The following TNKS variants were observed in gnomAD, a reference collection of about 807,000 sequenced individuals.
TNKS encodes the protein tankyrase.
A neutral mutation model predicts 135.8 loss-of-function variants in TNKS; 72 were observed. The observed-to-expected ratio is 0.53, with a 90% CI of 0.44 to 0.64. The LOEUF is 0.64. Among genes scored for constraint, TNKS ranks in the 30% least tolerant of loss-of-function variants. TNKS has a pLI of 0.00. For synonymous variants in TNKS, 849 were observed against 649.3 expected, an observed-to-expected ratio of 1.31 and a Z score of -4.68; for missense variants, 1,769 against 1,674.0, an observed-to-expected ratio of 1.06 and a Z score of -0.99.
chr8:9,718,268 C>A (rs576903574), intron 11 of TNKS, among the ~76,000 whole-genome samples: 9 of 152,270 alleles, frequency 5.9e-5, no homozygotes, highest in African/African-American at 2.2e-4. Flanking sequence ...TCTCGGCTTA[C>A]TTGAAATCAG....
chr8:9,663,757 C>T (rs1051964339), intron 3 of TNKS, among the ~76,000 whole-genome samples: 1 of 152,148 alleles, frequency 6.6e-6, no homozygotes. Context: ...AAAGGAATTA[C>T]AAAGGCTGCA....
intron 3 of TNKS, among the ~76,000 whole-genome samples, chr8:9,635,091 A>G (rs1800458274): frequency 6.6e-6 from 1 of 151,754 alleles, no homozygotes; most frequent in South Asian, 2.1e-4. Context: ...ACTGGCGTAA[A>G]CCCGGGAGGC....
intron 3 of TNKS, among the ~76,000 whole-genome samples, chr8:9,647,076 A>G (rs1450145030): frequency 6.6e-6 from 1 of 152,202 alleles, no homozygotes; most frequent in Non-Finnish European, 1.5e-5. Context: ...AGAAAAGAGC[A>G]CTTGCTATCT....
intron 2 of TNKS, among the ~76,000 whole-genome samples, chr8:9,586,788 A>G (rs1317296522): frequency 6.7e-6 from 1 of 149,622 alleles, no homozygotes; most frequent in Non-Finnish European, 1.5e-5. Flanking sequence ...AAATAATCCA[A>G]TTGACTTGTT....
At chr8:9,707,118 T>TTC in intron 8 of TNKS, 121 bp downstream of exon 8, 1 of 828,530 alleles carries the variant, frequency 1.2e-6, no homozygotes, top group Non-Finnish European at 1.8e-6. Context: ...ATAATCCTCA[T>TTC]TTCTAATTGT....
intron 19 of TNKS, among the ~76,000 whole-genome samples, 154 bp from the exon 20 acceptor site, chr8:9,752,390 G>A (rs917764205): frequency 1.3e-5 from 2 of 152,042 alleles, no homozygotes; most frequent in African/African-American, 4.8e-5. Flanking sequence ...CAGAAATAAA[G>A]TGTCTAAATT....
rs571509330 is a variant in TNKS, at chr8:9,579,430, G to A, written c.674-729G>A. On this transcript the variant is annotated intron_variant, in intron 1 of 26. Transcript: ENST00000310430. ...AATACAATGCTGTGTGTTGTGATTT[G>A]TCTTAGATTCGGTTATCAGCAGTAT... is the stretch of plus-strand genomic sequence containing the variant. Among the ~76,000 whole-genome samples the A allele has an allele frequency of 3.9e-5, 6 of 152,072 alleles. No individual in the cohort carries two copies. In the South Asian group the frequency reaches 1.3e-3, roughly 32 times the overall value.
At chr8:9,719,218 C>T (rs1490783843) in intron 11 of TNKS, among the ~76,000 whole-genome samples, 6 of 152,140 alleles carry the variant, frequency 3.9e-5, no homozygotes, top group Non-Finnish European at 7.4e-5. Flanking sequence ...GAACCCTTTC[C>T]TGAGTAAGTA....
At chr8:9,600,097 C>G (rs183580368) in intron 2 of TNKS, among the ~76,000 whole-genome samples, 2 of 152,156 alleles carry the variant, frequency 1.3e-5, no homozygotes, top group Admixed American at 6.5e-5. Context: ...AATATTATCT[C>G]CTGATTTACA....
chr8:9,757,804 T>C (rs1005716360), intron 20 of TNKS, among the ~76,000 whole-genome samples: 1 of 152,208 alleles, frequency 6.6e-6, no homozygotes, highest in South Asian at 2.1e-4. Context: ...TTAAATGAAA[T>C]ATTTAGTTAC....
At chr8:9,633,810 T>C (rs1800390048) in intron 3 of TNKS, among the ~76,000 whole-genome samples, 1 of 152,134 alleles carries the variant, frequency 6.6e-6, no homozygotes, top group South Asian at 2.1e-4. Context: ...GGCTTGTCAA[T>C]AACCACATGA....
chr8:9,579,406 A>G (rs1249856057), intron 1 of TNKS, among the ~76,000 whole-genome samples: 1 of 152,150 alleles, frequency 6.6e-6, no homozygotes, highest in East Asian at 1.9e-4. Flanking sequence ...AATTTCCCTA[A>G]TACAATGCTG....
chr8:9,582,921 C>G (rs1305108611), intron 2 of TNKS, among the ~76,000 whole-genome samples: 1 of 152,072 alleles, frequency 6.6e-6, no homozygotes, highest in Non-Finnish European at 1.5e-5. Context: ...TATCCCAGCA[C>G]TTTGGGAGGC....
intron 3 of TNKS, among the ~76,000 whole-genome samples, chr8:9,616,512 T>C (rs186279811): frequency 1.6e-3 from 245 of 152,336 alleles, no homozygotes; most frequent in African/African-American, 5.7e-3. Context: ...TTAACTACCT[T>C]TTAAATTTGC....
At chr8:9,690,806 G>A (rs1338861537) in intron 5 of TNKS, among the ~76,000 whole-genome samples, 1 of 152,126 alleles carries the variant, frequency 6.6e-6, no homozygotes, top group Non-Finnish European at 1.5e-5. Flanking sequence ...CCTTCCTAAA[G>A]ATGAGTACTT....
At chr8:9,693,014 T>A (rs921586264) in intron 5 of TNKS, among the ~76,000 whole-genome samples, 3 of 152,220 alleles carry the variant, frequency 2.0e-5, no homozygotes, top group Non-Finnish European at 4.4e-5. Context: ...AGATTAATCA[T>A]GTCTCTGTGC....
At chr8:9,743,395 C>T (rs771578806) in intron 17 of TNKS, 2 of 152,130 alleles carry the variant, frequency 1.3e-5, no homozygotes, top group African/African-American at 4.8e-5. Flanking sequence ...TCTAGTCTTT[C>T]CTCTTCTGTT....
chr8:9,742,773 T>C (rs1806034804), intron 17 of TNKS, among the ~76,000 whole-genome samples: 1 of 149,322 alleles, frequency 6.7e-6, no homozygotes, highest in Admixed American at 6.7e-5. Context: ...TTATTAGTAC[T>C]CCTTAAATAT....
At chr8:9,652,851 C>G (rs1368030986) in intron 3 of TNKS, among the ~76,000 whole-genome samples, 1 of 152,132 alleles carries the variant, frequency 6.6e-6, no homozygotes, top group Middle Eastern at 3.2e-3. Flanking sequence ...ATATTATCTT[C>G]TCTTTTTAAA....
Sources: gnomAD v4.1 joint callset for allele counts (sites outside exome capture counted in the v4.1 genomes callset) on GRCh38, gnomAD v4.1.1 for gene constraint, MANE v1.5 for transcripts, NCBI Gene and HGNC (gene_info 2026-07-23, HGNC 2026-07-21) for gene names.